Variants in B4GALT5 observed in about 807,000 individuals in gnomAD.
B4GALT5 encodes UDP-Gal:beta-GlcNAc beta-1,4-galactosyltransferase 5.
Under a neutral mutation model 45.0 loss-of-function variants are expected in B4GALT5, and 11 were observed. The observed-to-expected ratio is 0.24, with a 90% confidence interval of 0.15 to 0.40. B4GALT5 has a LOEUF of 0.40. B4GALT5 is among the 10% of genes least tolerant of loss of function. The probability of loss-of-function intolerance (pLI) is 1.00; values close to 1 mark genes in which losing one functional copy is unlikely to be tolerated. For synonymous variants in B4GALT5, 185 were observed against 182.9 expected (o/e 1.01, Z -0.09); for missense variants, 337 against 500.2 (o/e 0.67, Z 3.11).
At chr20:49,677,831 C>T (rs909983931) in intron 1 of B4GALT5, among the ~76,000 whole-genome samples, 11 of 152,192 alleles carry the variant, frequency 7.2e-5, no homozygotes, top group Admixed American at 3.9e-4. Flanking sequence ...CTGCCATCTC[C>T]GCCTCCCAAG....
In B4GALT5 at chr20:49,644,305, T is replaced by G. The variant is rs989434370; in HGVS notation, c.365-655A>C. Among the ~76,000 whole-genome samples, 6 of 152,238 alleles carry G rather than the reference T, an allele frequency of 3.9e-5. 1 individual carries two copies. ...CTCACTATGTTGCCCAGGTTGGTCT[T>G]GAACTCCTGAGCTCCAGTGATTCTC... On this transcript the variant is annotated intron_variant, in intron 3 of 8. Coordinates refer to ENST00000371711, the MANE Select transcript of B4GALT5 (RefSeq NM_004776.4).
At chr20:49,687,518 C>T (rs1282883967) in intron 1 of B4GALT5, among the ~76,000 whole-genome samples, 1 of 151,978 alleles carries the variant, frequency 6.6e-6, no homozygotes, top group Non-Finnish European at 1.5e-5. Flanking sequence ...GTGGCAGGCG[C>T]GTGTAATCCC....
intron 1 of B4GALT5, among the ~76,000 whole-genome samples, chr20:49,661,338 G>T (rs538942189): frequency 6.6e-6 from 1 of 152,110 alleles, no homozygotes; most frequent in African/African-American, 2.4e-5. Flanking sequence ...AGGTTCAAGC[G>T]ATTCTTCTGC....
intron 1 of B4GALT5, among the ~76,000 whole-genome samples, chr20:49,677,170 G>A (rs1006208575): frequency 1.3e-5 from 2 of 151,952 alleles, no homozygotes; most frequent in Admixed American, 6.6e-5. Flanking sequence ...GGGAACCACC[G>A]GGAAACACAG....
chr20:49,657,108 A>G (rs2085646715), intron 1 of B4GALT5, among the ~76,000 whole-genome samples: 1 of 152,074 alleles, frequency 6.6e-6, no homozygotes. Context: ...GGTTCTTCAT[A>G]GAGAAAAGAA....
chr20:49,689,789 A>C (rs1194272962), intron 1 of B4GALT5, among the ~76,000 whole-genome samples: 1 of 152,162 alleles, frequency 6.6e-6, no homozygotes, highest in South Asian at 2.1e-4. Flanking sequence ...CTAAATCCCT[A>C]TCAAGATATG....
At chr20:49,674,428 C>T (rs751440571) in intron 1 of B4GALT5, among the ~76,000 whole-genome samples, 4 of 151,962 alleles carry the variant, frequency 2.6e-5, no homozygotes, top group Non-Finnish European at 5.9e-5. Flanking sequence ...GTAAAGTATT[C>T]TTTAGTCTTT....
At chr20:49,712,133 C>G (rs181063511) in intron 1 of B4GALT5, among the ~76,000 whole-genome samples, 1 of 152,350 alleles carries the variant, frequency 6.6e-6, no homozygotes, top group East Asian at 1.9e-4. Context: ...TTCCACCTAA[C>G]TCCCTTCTTC....
intron 7 of B4GALT5, among the ~76,000 whole-genome samples, chr20:49,638,604 G>C (rs2085563666): frequency 6.6e-6 from 1 of 152,072 alleles, no homozygotes; most frequent in African/African-American, 2.4e-5. Flanking sequence ...AATGAAATGG[G>C]CATTTAGTAC....
At chr20:49,684,977 T>A (rs1292681519) in intron 1 of B4GALT5, among the ~76,000 whole-genome samples, 2 of 152,238 alleles carry the variant, frequency 1.3e-5, no homozygotes, top group African/African-American at 2.4e-5. Flanking sequence ...AATTTTAGAA[T>A]TATAGAAAAG....
chr20:49,676,709 G>C (rs1438689597), intron 1 of B4GALT5, among the ~76,000 whole-genome samples: 1 of 152,252 alleles, frequency 6.6e-6, no homozygotes, highest in Non-Finnish European at 1.5e-5. Context: ...AGGAAGGAAG[G>C]GGAGGCACAA....
At chr20:49,644,356 G>C (rs2085590249) in intron 3 of B4GALT5, among the ~76,000 whole-genome samples, 1 of 152,102 alleles carries the variant, frequency 6.6e-6, no homozygotes, top group East Asian at 1.9e-4. Flanking sequence ...AAAGTGCTGG[G>C]ATTATAGCTA....
intron 1 of B4GALT5, among the ~76,000 whole-genome samples, chr20:49,668,495 C>A (rs1451962386): frequency 1.3e-5 from 2 of 151,746 alleles, no homozygotes; most frequent in Non-Finnish European, 2.9e-5. Context: ...AGCCACATAA[C>A]CTCAGTATAA....
At chr20:49,642,711 T>G in intron 4 of B4GALT5, 127 bp from the exon 5 acceptor site, 1 of 671,766 alleles carries the variant, frequency 1.5e-6, no homozygotes, top group Admixed American at 2.6e-5. Flanking sequence ...TGTCCTCAGC[T>G]TTCTCTAAAC....
intron 1 of B4GALT5, among the ~76,000 whole-genome samples, chr20:49,686,937 C>T (rs1200438608): frequency 6.6e-6 from 1 of 151,956 alleles, no homozygotes; most frequent in Non-Finnish European, 1.5e-5. Context: ...GGCATATAGT[C>T]CAATGGTCAG....
At chr20:49,703,580 A>G (rs1164062106) in intron 1 of B4GALT5, among the ~76,000 whole-genome samples, 2 of 152,110 alleles carry the variant, frequency 1.3e-5, no homozygotes, top group Non-Finnish European at 2.9e-5. Context: ...AAAGCATTAA[A>G]TGCTTTTATT....
chr20:49,686,832 G>A (rs1224448620), intron 1 of B4GALT5, among the ~76,000 whole-genome samples: 1 of 150,256 alleles, frequency 6.7e-6, no homozygotes, highest in Non-Finnish European at 1.5e-5. Context: ...CCAGAAGTTC[G>A]AGGCTGCAAT....
Position 49,634,859 on chromosome 20 carries a change from C to G in B4GALT5, c.*1453G>C, listed in dbSNP as rs768237061. 6.6e-6 allele frequency: 1 copy of G among 152,196 alleles called. No individual in the cohort carries two copies. Among genetic ancestry groups the G allele is most frequent in the African/African-American group, 2.4e-5 (1 of 41,396 alleles). 9.4% of individuals were successfully genotyped at this position (152,196 alleles called of 1,614,324 possible). On this transcript the variant is annotated 3_prime_UTR_variant, in exon 9 of 9. Transcript: ENST00000371711. ...TCCAGCTTAGGCGACAGAGCCAGACCGTCTTAAAAAACAAAACAAAAAATA... is the reference window on the plus strand; with the variant it reads ...TCCAGCTTAGGCGACAGAGCCAGACGGTCTTAAAAAACAAAACAAAAAATA...
intron 7 of B4GALT5, among the ~76,000 whole-genome samples, chr20:49,638,534 C>T (rs376262980): frequency 5.3e-5 from 8 of 152,250 alleles, no homozygotes; most frequent in East Asian, 1.9e-4. Context: ...TATGTGATGG[C>T]GCAGCTAAAT....
Sources: allele counts gnomAD v4.1 joint callset (sites outside exome capture counted in the v4.1 genomes callset), GRCh38; gene constraint gnomAD v4.1.1; transcripts MANE v1.5; gene names NCBI Gene and HGNC (gene_info 2026-07-23, HGNC 2026-07-21).